SBF2: variants seen among roughly 807,000 people sequenced by gnomAD.
SBF2 encodes the protein myotubularin-related protein 13.
In SBF2, 112 loss-of-function variants were observed where a neutral mutation model predicts 225.2. The observed-to-expected ratio is 0.50, with a 90% CI of 0.43 to 0.58. SBF2 has a LOEUF of 0.58. Among genes scored for constraint, SBF2 ranks in the 20% least tolerant of loss-of-function variants. The pLI is 0.00. For missense variants in SBF2, 1,996 were observed against 2,206.2 expected, an observed-to-expected ratio of 0.90 and a Z score of 1.91; for synonymous variants, 763 against 773.3, an observed-to-expected ratio of 0.99 and a Z score of 0.22.
At chr11:10,068,213 A>T (rs1950707459) in intron 2 of SBF2, among the ~76,000 whole-genome samples, 1 of 152,222 alleles carries the variant, frequency 6.6e-6, no homozygotes, top group Non-Finnish European at 1.5e-5. Context: ...GTATTTATAC[A>T]GTATTAAGTG....
At chr11:10,179,083 C>T (rs1311148653) in intron 2 of SBF2, among the ~76,000 whole-genome samples, 1 of 149,366 alleles carries the variant, frequency 6.7e-6, no homozygotes, top group Non-Finnish European at 1.5e-5. Flanking sequence ...TCTCAGTAAA[C>T]TATCGCAAGA....
upstream of SBF2, among the ~76,000 whole-genome samples, chr11:10,297,015 G>A (rs534066780): frequency 1.8e-3 from 276 of 152,216 alleles, 1 homozygote; most frequent in African/African-American, 6.4e-3. Context: ...TTGGAGAAAT[G>A]TCTATTCAAG....
At chr11:9,859,898 C>T (rs376567269) in intron 17 of SBF2, among the ~76,000 whole-genome samples, 3 of 152,210 alleles carry the variant, frequency 2.0e-5, no homozygotes, top group Non-Finnish European at 4.4e-5. Context: ...GACTGTGTTA[C>T]TGCTGCTGAG....
chr11:10,026,573 A>C (rs1565148423), intron 6 of SBF2, among the ~76,000 whole-genome samples: 2 of 151,982 alleles, frequency 1.3e-5, no homozygotes, highest in East Asian at 3.9e-4. Context: ...TCTATAAAAC[A>C]AAAAAATTAA....
At chr11:9,878,164 T>G (rs1423041471) in intron 17 of SBF2, among the ~76,000 whole-genome samples, 1 of 152,246 alleles carries the variant, frequency 6.6e-6, no homozygotes, top group African/African-American at 2.4e-5. Context: ...TGAGCATTTT[T>G]TCATGTGTCT....
intron 16 of SBF2, among the ~76,000 whole-genome samples, chr11:9,913,721 T>C (rs536769446): frequency 1.4e-4 from 22 of 151,908 alleles, no homozygotes; most frequent in Admixed American, 1.4e-3. Context: ...TCCACATGAA[T>C]AAAATGTAGG....
At chr11:9,789,939 T>A (rs1387441955) in intron 34 of SBF2, among the ~76,000 whole-genome samples, 1 of 152,236 alleles carries the variant, frequency 6.6e-6, no homozygotes, top group Non-Finnish European at 1.5e-5. Flanking sequence ...TTTGGTTTCT[T>A]GTACTGCTCA....
At chr11:9,981,524 TA>T (rs1303134996) in intron 13 of SBF2, among the ~76,000 whole-genome samples, 1 of 152,246 alleles carries the variant, frequency 6.6e-6, no homozygotes, top group African/African-American at 2.4e-5. Context: ...TAATTTCTTT[TA>T]TTTTTTCAAG....
intron 2 of SBF2, among the ~76,000 whole-genome samples, chr11:10,057,339 T>C (rs892881972): frequency 2.0e-5 from 3 of 152,148 alleles, no homozygotes; most frequent in Non-Finnish European, 4.4e-5. Flanking sequence ...ACCTCTGCAA[T>C]GTAACTGCCC....
intron 16 of SBF2, among the ~76,000 whole-genome samples, chr11:9,934,150 CA>C (rs1276964692): frequency 6.6e-6 from 1 of 152,064 alleles, no homozygotes; most frequent in Non-Finnish European, 1.5e-5. Flanking sequence ...CACAGAAATA[CA>C]AACTACCATC....
intron 16 of SBF2, among the ~76,000 whole-genome samples, chr11:9,954,275 A>T (rs552450254): frequency 2.1e-4 from 32 of 152,234 alleles, no homozygotes; most frequent in Non-Finnish European, 3.8e-4. Flanking sequence ...TCACTACCTA[A>T]AAATTAGTTC....
intron 32 of SBF2, among the ~76,000 whole-genome samples, chr11:9,803,934 A>C (rs374210620): frequency 6.6e-6 from 1 of 152,138 alleles, no homozygotes; most frequent in African/African-American, 2.4e-5. Context: ...TGATTTGAGA[A>C]GGTAACGATT....
At chr11:10,018,208 C>T (rs1259353739) in intron 6 of SBF2, among the ~76,000 whole-genome samples, 2 of 152,072 alleles carry the variant, frequency 1.3e-5, no homozygotes, top group Non-Finnish European at 2.9e-5. Flanking sequence ...TACATTATTA[C>T]TGAACTACTG....
intron 12 of SBF2, among the ~76,000 whole-genome samples, chr11:9,992,118 A>G (rs1947465690): frequency 6.6e-6 from 1 of 152,170 alleles, no homozygotes; most frequent in East Asian, 1.9e-4. Context: ...GATGAATTAC[A>G]TAGTGGCGAA....
chr11:9,920,171 G>T (rs958783121), intron 16 of SBF2, among the ~76,000 whole-genome samples: 7 of 148,688 alleles, frequency 4.7e-5, no homozygotes, highest in African/African-American at 1.7e-4. Flanking sequence ...GCTCAAAACT[G>T]CAAATACTAT....
At chr11:9,861,961 A>C (rs1183792545) in intron 17 of SBF2, among the ~76,000 whole-genome samples, 1 of 152,232 alleles carries the variant, frequency 6.6e-6, no homozygotes, top group Non-Finnish European at 1.5e-5. Context: ...ACAGTGGCCC[A>C]AAGGGTCAGA....
At chr11:10,266,687 A>G (rs1399591475) in intron 1 of SBF2, among the ~76,000 whole-genome samples, 1 of 152,206 alleles carries the variant, frequency 6.6e-6, no homozygotes, top group Non-Finnish European at 1.5e-5. Flanking sequence ...TGATGATGAC[A>G]GTGATGATGA....
At chr11:9,923,824 T>C (rs940165461) in intron 16 of SBF2, among the ~76,000 whole-genome samples, 1 of 152,182 alleles carries the variant, frequency 6.6e-6, no homozygotes, top group Non-Finnish European at 1.5e-5. Context: ...TTCAATCAAA[T>C]ATTGCAATAA....
At chr11:10,264,900 A>G (rs956863216) in intron 1 of SBF2, among the ~76,000 whole-genome samples, 1 of 152,174 alleles carries the variant, frequency 6.6e-6, no homozygotes, top group African/African-American at 2.4e-5. Flanking sequence ...GTCCCTGCAA[A>G]GGACATGAAC....
Sources: gnomAD v4.1 joint callset for allele counts (sites outside exome capture counted in the v4.1 genomes callset) on GRCh38, gnomAD v4.1.1 for gene constraint, MANE v1.5 for transcripts, NCBI Gene and HGNC (gene_info 2026-07-23, HGNC 2026-07-21) for gene names.